The following FPR3 variants were observed in gnomAD, a reference collection of about 807,000 sequenced individuals.
FPR3 encodes the protein formyl peptide receptor 3.
For synonymous variants in FPR3, 135 were observed against 163.6 expected (o/e 0.83, Z 1.34); for missense variants, 346 against 443.2 (o/e 0.78, Z 1.97).
Position 51,824,265 on chromosome 19 carries a change from G to T in FPR3, c.517G>T (p.Asp173Tyr). The T allele has an allele frequency of 6.2e-7, 1 of 1,614,164 alleles. No individual in the cohort carries two copies. The highest frequency in any genetic ancestry group is 1.1e-5 in the South Asian group (1 of 91,078). ...FWTTISTTNG[D>Y]TYCIFNFAFW... is the part of the protein sequence containing the mutation. Reference sequence around the variant, plus strand: ...GACTACAATAAGTACTACGAATGGGGACACATACTGTATTTTCAACTTTGC... The same window carrying T: ...GACTACAATAAGTACTACGAATGGGTACACATACTGTATTTTCAACTTTGC... The change falls in exon 2 of 2, where the codon GAC becomes TAC. Residue 173 changes from aspartate (D) to tyrosine (Y), a missense_variant. Physicochemically the swap from Asp to Tyr is radical, Grantham distance 160 (BLOSUM62 -3). Transcript: ENST00000339223. This position sits in a 1 kb window ranked among gnomAD's most constrained non-coding sequence, Gnocchi z 4.7.
At chr19:51,821,818 C>T (rs971347498) in intron 1 of FPR3, among the ~76,000 whole-genome samples, 2 of 151,774 alleles carry the variant, frequency 1.3e-5, no homozygotes, top group African/African-American at 4.8e-5. Context: ...CCATGAATTC[C>T]CTCTGGTACA....
chr19:51,798,607 T>G (rs961552), intron 1 of FPR3, among the ~76,000 whole-genome samples: 110,081 of 152,052 alleles, frequency 0.72, 39,962 homozygotes, highest in East Asian at 0.77. Flanking sequence ...GTAGTGGCTC[T>G]GTTCGGTCTG....
chr19:51,803,642 T>C (rs1042006700), intron 1 of FPR3, among the ~76,000 whole-genome samples: 2 of 151,004 alleles, frequency 1.3e-5, no homozygotes, highest in Admixed American at 6.6e-5. Flanking sequence ...AACTAAGTTG[T>C]GGCCATAGAA....
In FPR3 at chr19:51,795,504, C is replaced by CTTTTTTTTTTTT. The variant is rs58620565; in HGVS notation, c.-11+191_-11+202dup. ...TTTGGTTACATGTTCCAGTAACATT[C>CTTTTTTTTTTTT]TTTTTTTTTTTTTTTTTTTTTTTTT... On this transcript the variant is annotated intron_variant, in intron 1 of 1. Coordinates refer to ENST00000339223, the MANE Select transcript of FPR3 (RefSeq NM_002030.5). Among the ~76,000 whole-genome samples the CTTTTTTTTTTTT allele has an allele frequency of 3.9e-3, 295 of 74,700 alleles. 46 individuals carry two copies. Among genetic ancestry groups the CTTTTTTTTTTTT allele is most frequent in the East Asian group, 7.7e-3 (14 of 1,810 alleles). The allele number at this position is 74,700 out of a possible 152,430, so 49.0% of individuals were successfully genotyped here. A position where few individuals can be genotyped will look rare whatever the true frequency, so the allele number is the denominator to read the frequency against.
Position 51,825,307 on chromosome 19 carries a change from G to C in FPR3, c.*497G>C, listed in dbSNP as rs955952929. On this transcript the variant is annotated 3_prime_UTR_variant, in exon 2 of 2. Coordinates refer to ENST00000339223, the MANE Select transcript of FPR3 (RefSeq NM_002030.5). ...AGGTACGGGGTTCCACGCCCTCCCT[G>C]AGTGCATCACCCTCTGGGAACCTCC... 3.0e-5 allele frequency: 5 copies of C among 169,310 alleles called. No individual in the cohort carries two copies. The highest frequency in any genetic ancestry group is 1.2e-4 in the African/African-American group (5 of 41,454). The allele number at this position is 169,310 out of a possible 1,614,324, so 10.5% of individuals were successfully genotyped here. A position where few individuals can be genotyped will look rare whatever the true frequency, so the allele number is the denominator to read the frequency against.
Position 51,824,153 on chromosome 19 carries a change from C to T in FPR3, c.405C>T (p.Asn135=), listed in dbSNP as rs768829213. ...TCCTGCATCCAGCCTGGGCCCAGAA[C>T]CATCGCACCATGAGTCTGGCCAAGA... The part of the protein sequence containing the change: ...ICVLHPAWAQ[N]HRTMSLAKRV... The change falls in exon 2 of 2, where the codon AAC becomes AAT. Residue 135 remains asparagine, a synonymous_variant. Coordinates refer to ENST00000339223, the MANE Select transcript of FPR3 (RefSeq NM_002030.5). The surrounding 1 kb of genome is among the most constrained non-coding windows in gnomAD (Gnocchi z 4.7). The T allele has an allele frequency of 1.2e-6, 2 of 1,613,876 alleles. No homozygotes were observed. The highest frequency in any genetic ancestry group is 1.7e-6 in the Non-Finnish European group (2 of 1,179,958).
At position 51,824,088 on chromosome 19, in the gene FPR3, T is replaced by A; in HGVS notation, c.340T>A (p.Tyr114Asn). 6.2e-7 allele frequency: 1 copy of A among 1,614,182 alleles called. No homozygotes were observed. The highest frequency in any genetic ancestry group is 8.5e-7 in the Non-Finnish European group (1 of 1,180,008). ...MIDINLFVSV[Y>N]LITIIALDRC... ...AGACATCAACCTGTTTGTCAGTGTC[T>A]ACCTGATCACCATCATTGCTCTGGA... The change falls in exon 2 of 2, where the codon TAC (tyrosine) becomes AAC (asparagine). Residue 114 changes from tyrosine (Y) to asparagine (N), a missense_variant. Transcript: ENST00000339223. The surrounding 1 kb of genome is among the most constrained non-coding windows in gnomAD (Gnocchi z 4.7).
chr19:51,796,080 G>T (rs1304021627), intron 1 of FPR3, among the ~76,000 whole-genome samples: 1 of 152,202 alleles, frequency 6.6e-6, no homozygotes, highest in Non-Finnish European at 1.5e-5. Context: ...AAAAGTATCT[G>T]GTGAGATAGG....
At chr19:51,804,990 A>G (rs2084048663) in intron 1 of FPR3, 1 of 152,338 alleles carries the variant, frequency 6.6e-6, no homozygotes, top group Non-Finnish European at 1.5e-5. Flanking sequence ...TCCAGTAGAT[A>G]ACTTCAAAGA....
Position 51,821,554 on chromosome 19 carries a change from G to C in FPR3, c.-10-2185G>C, listed in dbSNP as rs868503903. ...TGAGCTACATTAAACAATGTCCCAT[G>C]AAAGACCTCAGTGAAAGTGACTGGT... On this transcript the variant is annotated intron_variant, in intron 1 of 1. Transcript: ENST00000339223. Among the ~76,000 whole-genome samples, 3 of 152,236 alleles carry C rather than the reference G, an allele frequency of 2.0e-5. No homozygotes were observed. The East Asian group carries it at 5.8e-4, about 29-fold the overall frequency.
At chr19:51,801,951 A>G (rs898540806) in intron 1 of FPR3, among the ~76,000 whole-genome samples, 1 of 152,162 alleles carries the variant, frequency 6.6e-6, no homozygotes, top group South Asian at 2.1e-4. Flanking sequence ...AAAATATTCT[A>G]TGTTGGACAT....
chr19:51,812,023 C>T (rs2084100635), intron 1 of FPR3, among the ~76,000 whole-genome samples: 1 of 152,200 alleles, frequency 6.6e-6, no homozygotes, highest in South Asian at 2.1e-4. Context: ...GAGTATACCT[C>T]GCTTTAACTA....
At position 51,824,963 on chromosome 19, in the gene FPR3, A is replaced by G. The variant is rs1320531286; in HGVS notation, c.*153A>G. On this transcript the variant is annotated 3_prime_UTR_variant, in exon 2 of 2. Transcript: ENST00000339223. The surrounding 1 kb of genome is among the most constrained non-coding windows in gnomAD (Gnocchi z 4.7). ...ACCAAATCTGTAGGGGGTTTTTCCC[A>G]CAACCAAGCAATAGACACCAGCTGG... The G allele has an allele frequency of 4.7e-6, 3 of 640,414 alleles. No homozygotes were observed. The highest frequency in any genetic ancestry group is 3.7e-5 in the African/African-American group (2 of 54,350). 39.7% of individuals were successfully genotyped at this position (640,414 alleles called of 1,614,324 possible).
At position 51,823,732 on chromosome 19, in the gene FPR3, G is replaced by C. The variant is rs1165139650; in HGVS notation, c.-10-7G>C. On this transcript the variant is annotated splice_polypyrimidine_tract_variant and splice_region_variant and intron_variant, in intron 1 of 1. Coordinates refer to ENST00000339223, the MANE Select transcript of FPR3 (RefSeq NM_002030.5). ...GCTGAGAAATGGCCATTGCTGAAAT[G>C]TTTCAGGTGTGGGAAGATGGAAACC... is the stretch of plus-strand genomic sequence containing the variant. 1.3e-6 allele frequency: 2 copies of C among 1,555,918 alleles called. No homozygotes were observed. The highest frequency in any genetic ancestry group is 4.5e-5 in the East Asian group (2 of 44,386).
intron 1 of FPR3, among the ~76,000 whole-genome samples, chr19:51,798,979 G>A (rs2084014781): frequency 6.6e-6 from 1 of 152,144 alleles, no homozygotes; most frequent in Admixed American, 6.5e-5. Context: ...AGCCGGGCGT[G>A]GTGGTGGTGC....
chr19:51,800,500 G>A (rs1245957303), intron 1 of FPR3, among the ~76,000 whole-genome samples: 1 of 152,172 alleles, frequency 6.6e-6, no homozygotes, highest in Admixed American at 6.5e-5. Context: ...CCCGTTGCCT[G>A]GGAAAATGTT....
At chr19:51,807,633 A>G (rs1014232311) in intron 1 of FPR3, among the ~76,000 whole-genome samples, 2 of 152,238 alleles carry the variant, frequency 1.3e-5, no homozygotes, top group Non-Finnish European at 2.9e-5. Flanking sequence ...AGCCATCAGT[A>G]AAATAAGTCT....
At chr19:51,808,000 T>C (rs964338029) in intron 1 of FPR3, among the ~76,000 whole-genome samples, 6 of 152,228 alleles carry the variant, frequency 3.9e-5, no homozygotes, top group African/African-American at 1.4e-4. Context: ...AAAAGTCCTG[T>C]TGGAGAGTAG....
intron 1 of FPR3, among the ~76,000 whole-genome samples, chr19:51,809,808 T>G (rs1343217673): frequency 7.2e-5 from 11 of 152,158 alleles, no homozygotes; most frequent in African/African-American, 2.7e-4. Context: ...AATCCTGCAC[T>G]CCTTGTGTTC....
Sources: gnomAD v4.1 joint callset for allele counts (sites outside exome capture counted in the v4.1 genomes callset) on GRCh38, gnomAD v4.1.1 for gene constraint, Gnocchi (gnomAD v3.1) non-coding constraint, MANE v1.5 for transcripts, NCBI Gene and HGNC (gene_info 2026-07-23, HGNC 2026-07-21) for gene names.